GALNT8: variants seen among roughly 807,000 people sequenced by gnomAD.
GALNT8 encodes probable polypeptide N-acetylgalactosaminyltransferase 8.
In GALNT8, 66 loss-of-function variants were observed where a neutral mutation model predicts 62.7. The observed-to-expected ratio is 1.05, with a 90% CI of 0.86 to 1.29. The LOEUF is 1.29. Ranked by LOEUF, GALNT8 falls within the 50% of genes most tolerant of loss-of-function variation. The pLI is 0.00. For synonymous variants in GALNT8, 288 were observed against 294.3 expected, an observed-to-expected ratio of 0.98 and a Z score of 0.22; for missense variants, 771 against 791.8, an observed-to-expected ratio of 0.97 and a Z score of 0.32.
chr12:4,741,384 C>T (rs778253677), intron 3 of GALNT8, among the ~76,000 whole-genome samples: 4 of 152,064 alleles, frequency 2.6e-5, no homozygotes, highest in Non-Finnish European at 4.4e-5. Context: ...TACTGAATTG[C>T]ACACCTGGTT....
At position 4,720,801 on chromosome 12, in the gene GALNT8, C is replaced by A; in HGVS notation, c.124C>A (p.His42Asn). The A allele has an allele frequency of 6.2e-7, 1 of 1,611,812 alleles. No individual in the cohort carries two copies. Among genetic ancestry groups the A allele is most frequent in the Non-Finnish European group, 8.5e-7 (1 of 1,177,894 alleles). ...TLQNLFTGGL[H>N]RELPLHLNKR... ...ACAAAACCTGTTTACGGGTGGTCTC[C>A]ACAGGGAGCTTCCTTTACATCTGAA... Residue 42 changes from histidine to asparagine, a missense_variant, in exon 1 of 11, where the codon CAC becomes AAC. Transcript: ENST00000252318.
rs201995154 is a variant in GALNT8 at position 4,720,746 on chromosome 12, C to G, written c.69C>G (p.Leu23=). 6 of 1,613,770 alleles carry G rather than the reference C, an allele frequency of 3.7e-6. No individual in the cohort carries two copies. The East Asian group carries it at 1.3e-4, about 36-fold the overall frequency. The stretch of plus-strand genomic sequence containing the variant: ...TGACTCTGGCCATTGCTGTCAATCT[C>G]CTTCTGGTATTTTCTAGCAAGGGGA... ...IGLTLAIAVN[L]LLVFSSKGTL... is the part of the protein sequence containing the mutation. The change falls in exon 1 of 11, where the codon CTC becomes CTG. Residue 23 remains leucine (L), a synonymous_variant. Transcript: ENST00000252318.
intron 1 of GALNT8, 72 bp downstream of exon 1, chr12:4,720,960 T>A: frequency 1.1e-6 from 1 of 912,908 alleles, no homozygotes; most frequent in Non-Finnish European, 1.8e-6. Flanking sequence ...GAAAAAGGGA[T>A]ATGGAAGGAA....
Position 4,726,729 on chromosome 12 carries a change from C to A in GALNT8, c.409C>A (p.Gln137Lys). 1 of 1,613,962 alleles carries A rather than the reference C, an allele frequency of 6.2e-7. No individual in the cohort carries two copies. Among genetic ancestry groups the A allele is most frequent in the African/African-American group, 1.3e-5 (1 of 75,024 alleles). The change falls in exon 2 of 11, where the codon CAG (glutamine) becomes AAG (lysine). Residue 137 changes from glutamine to lysine, a missense_variant. Coordinates refer to ENST00000252318, the MANE Select transcript of GALNT8 (RefSeq NM_017417.2). The surrounding 1 kb of genome is among the most constrained non-coding windows in gnomAD (Gnocchi z 4.1). ...QWGEDLSEAQ[Q>K]KAAQDLFRKF... Reference sequence around the variant, plus strand: ...GGGCGAGGATCTTTCTGAGGCCCAGCAGAAGGCGGCCCAGGACCTCTTCCG... The same window carrying A: ...GGGCGAGGATCTTTCTGAGGCCCAGAAGAAGGCGGCCCAGGACCTCTTCCG...
chr12:4,755,972 C>T (rs914311068), intron 6 of GALNT8, among the ~76,000 whole-genome samples: 5 of 152,086 alleles, frequency 3.3e-5, no homozygotes, highest in African/African-American at 4.8e-5. Context: ...GCTCTTCTTA[C>T]GGTGTGTAAG....
chr12:4,759,549 T>G lies in GALNT8; in HGVS notation c.1174-1409T>G, dbSNP rs534804451. 1.6e-3 allele frequency among the ~76,000 whole-genome samples: 247 copies of G among 151,722 alleles called. 2 individuals carry two copies. Among genetic ancestry groups the G allele is most frequent in the African/African-American group, 5.3e-3 (220 of 41,432 alleles). ...TCTGATTTCAAAGCCTTGCTTTTTT[T>G]TCTTTTTTTTTTAGTCCATTGTTCT... On this transcript the variant is annotated intron_variant, in intron 6 of 10. Coordinates refer to ENST00000252318, the MANE Select transcript of GALNT8 (RefSeq NM_017417.2).
chr12:4,745,218 T>C (rs1294843972), intron 4 of GALNT8, among the ~76,000 whole-genome samples: 4 of 152,142 alleles, frequency 2.6e-5, no homozygotes, highest in African/African-American at 9.7e-5. Flanking sequence ...TTCAAACCTG[T>C]TCTCGATGCG....
At chr12:4,743,532 C>T (rs1322411834) in intron 3 of GALNT8, among the ~76,000 whole-genome samples, 1 of 152,148 alleles carries the variant, frequency 6.6e-6, no homozygotes, top group Non-Finnish European at 1.5e-5. Context: ...AATCTCGTTC[C>T]TTGGCTATGG....
intron 2 of GALNT8, among the ~76,000 whole-genome samples, chr12:4,730,060 T>G (rs1358016152): frequency 6.6e-6 from 1 of 152,190 alleles, no homozygotes; most frequent in African/African-American, 2.4e-5. Flanking sequence ...TTTGCTGATT[T>G]TTATTTTTCT....
At chr12:4,758,387 A>G (rs932421383) in intron 6 of GALNT8, among the ~76,000 whole-genome samples, 17 of 152,046 alleles carry the variant, frequency 1.1e-4, no homozygotes, top group Non-Finnish European at 2.4e-4. Context: ...GAAAGAAAAA[A>G]CAGCATTTGT....
chr12:4,767,147 C>T (rs913624984), intron 10 of GALNT8, among the ~76,000 whole-genome samples: 1 of 152,174 alleles, frequency 6.6e-6, no homozygotes, highest in African/African-American at 2.4e-5. Flanking sequence ...GTTCCCCTGG[C>T]CTTAGACATC....
At chr12:4,734,790 T>G (rs760032433) in intron 2 of GALNT8, among the ~76,000 whole-genome samples, 1 of 152,134 alleles carries the variant, frequency 6.6e-6, no homozygotes, top group Non-Finnish European at 1.5e-5. Context: ...TCCTCATATC[T>G]CTTGGCACTA....
intron 3 of GALNT8, 81 bp from the exon 4 acceptor site, chr12:4,744,436 C>G: frequency 4.2e-6 from 4 of 943,210 alleles, no homozygotes; most frequent in Non-Finnish European, 3.2e-6. Flanking sequence ...AGTCCAGCCA[C>G]TAATATATGA....
chr12:4,745,600 T>G lies in GALNT8; in HGVS notation c.1032T>G (p.Asp344Glu). The G allele has an allele frequency of 6.2e-7, 1 of 1,614,010 alleles. No homozygotes were observed. The highest frequency in any genetic ancestry group is 1.3e-5 in the African/African-American group (1 of 75,042). The change falls in exon 5 of 11, where the codon GAT (aspartate) becomes GAG (glutamate). Residue 344 changes from aspartate (D) to glutamate (E), a missense_variant. Physicochemically the swap from Asp to Glu is conservative, Grantham distance 45. Coordinates refer to ENST00000252318, the MANE Select transcript of GALNT8 (RefSeq NM_017417.2). ...RYDALPQAWIDLHDVTAPVKS... is the reference protein window; with the variant it reads ...RYDALPQAWIELHDVTAPVKS... ...ATGCACTGCCACAAGCCTGGATTGA[T>G]CTGCATGATGTCACTGCCCCAGTGA... is the stretch of plus-strand genomic sequence containing the variant.
intron 2 of GALNT8, among the ~76,000 whole-genome samples, chr12:4,736,766 C>CT (rs1403784017): frequency 6.6e-6 from 1 of 152,080 alleles, no homozygotes; most frequent in Non-Finnish European, 1.5e-5. Context: ...TTACTAGATG[C>CT]TTTGTCTAAA....
intron 2 of GALNT8, among the ~76,000 whole-genome samples, chr12:4,738,818 TG>T (rs1311185742): frequency 6.6e-6 from 1 of 151,990 alleles, no homozygotes; most frequent in Non-Finnish European, 1.5e-5. Context: ...TCTGAGAACA[TG>T]GGAAAAGGGC....
In GALNT8 at chr12:4,772,433, C is replaced by G; in HGVS notation, c.1762-12C>G. 1.2e-6 allele frequency: 2 copies of G among 1,612,220 alleles called. No homozygotes were observed. Among genetic ancestry groups the G allele is most frequent in the Non-Finnish European group, 1.7e-6 (2 of 1,179,168 alleles). On this transcript the variant is annotated splice_polypyrimidine_tract_variant and intron_variant, in intron 10 of 10. Coordinates refer to ENST00000252318, the MANE Select transcript of GALNT8 (RefSeq NM_017417.2). ...ATTTCAGCACCTTGGCTCTGTCTCTCTTCCCCTCCAGGGAGGAGCTGTCAT... is the reference window on the plus strand; with the variant it reads ...ATTTCAGCACCTTGGCTCTGTCTCTGTTCCCCTCCAGGGAGGAGCTGTCAT...
chr12:4,720,590 C>A lies in GALNT8; in HGVS notation c.-88C>A. On this transcript the variant is annotated 5_prime_UTR_variant, in exon 1 of 11. Coordinates refer to ENST00000252318, the MANE Select transcript of GALNT8 (RefSeq NM_017417.2). ...AACTGGCACCTAGAACTCTCTTTCC[C>A]ACAAAAGCTAGGCTGGTTCTGATTC... is the stretch of plus-strand genomic sequence containing the variant. 2 of 910,090 alleles carry A rather than the reference C, an allele frequency of 2.2e-6. No individual in the cohort carries two copies. Among genetic ancestry groups the A allele is most frequent in the South Asian group, 1.4e-5 (1 of 73,246 alleles). The allele number at this position is 910,090 out of a possible 1,614,324, so 56.4% of individuals were successfully genotyped here. A position where few individuals can be genotyped will look rare whatever the true frequency, so the allele number is the denominator to read the frequency against.
At chr12:4,756,216 G>T (rs1235570432) in intron 6 of GALNT8, among the ~76,000 whole-genome samples, 2 of 152,182 alleles carry the variant, frequency 1.3e-5, no homozygotes, top group African/African-American at 2.4e-5. Context: ...TGGCCCGGGG[G>T]TTTGTGATTG....
Sources: gnomAD v4.1 joint callset for allele counts (sites outside exome capture counted in the v4.1 genomes callset) on GRCh38, gnomAD v4.1.1 for gene constraint, Gnocchi (gnomAD v3.1) non-coding constraint, MANE v1.5 for transcripts, NCBI Gene and HGNC (gene_info 2026-07-23, HGNC 2026-07-21) for gene names.